Variants in AIG1 observed in about 807,000 individuals in gnomAD.
AIG1 encodes the protein androgen-induced gene 1 protein.
Under a neutral mutation model 31.4 loss-of-function variants are expected in AIG1, and 23 were observed. The ratio of observed to expected loss-of-function variants is 0.73; its 90% CI spans 0.53 to 1.04. The LOEUF is 1.04. AIG1 is among the 50% of genes least tolerant of loss of function. The pLI, the probability that AIG1 is intolerant of heterozygous loss-of-function variation, is 0.00. For synonymous variants in AIG1, 100 were observed against 110.5 expected (o/e 0.90, Z 0.60); for missense variants, 274 against 295.0 (o/e 0.93, Z 0.52).
chr6:143,282,335 G>C (rs1456243129), intron 3 of AIG1, among the ~76,000 whole-genome samples: 1 of 152,106 alleles, frequency 6.6e-6, no homozygotes, highest in Non-Finnish European at 1.5e-5. Flanking sequence ...TTTTATGTAA[G>C]ATTTGATAAG....
rs1583714624 is a variant in AIG1 at position 143,279,305 on chromosome 6, T to C, written c.400-4805T>C. On this transcript the variant is annotated intron_variant, in intron 3 of 5. Transcript: ENST00000357847. This position sits in a 1 kb window ranked among gnomAD's most constrained non-coding sequence, Gnocchi z 5.4. ...CTCATTAGCTCTTCAGGAGAAGCAC[T>C]AATTTAATCCAACTGCCTCATTTTA... is the stretch of plus-strand genomic sequence containing the variant. 6.6e-6 allele frequency among the ~76,000 whole-genome samples: 1 copy of C among 152,220 alleles called. No individual in the cohort carries two copies. The highest frequency in any genetic ancestry group is 1.5e-5 in the Non-Finnish European group (1 of 68,032).
intron 1 of AIG1, among the ~76,000 whole-genome samples, chr6:143,074,502 A>G (rs1777566876): frequency 6.6e-6 from 1 of 152,204 alleles, no homozygotes; most frequent in African/African-American, 2.4e-5. Flanking sequence ...TGAAGAGATT[A>G]TCCTTTCCCC....
At chr6:143,154,821 T>G (rs1451667014) in intron 2 of AIG1, among the ~76,000 whole-genome samples, 1 of 152,120 alleles carries the variant, frequency 6.6e-6, no homozygotes, top group Non-Finnish European at 1.5e-5. Context: ...ATTTCAAAAT[T>G]GAGGGCTTTT....
At chr6:143,064,951 G>T (rs1776563052) in intron 1 of AIG1, among the ~76,000 whole-genome samples, 1 of 152,186 alleles carries the variant, frequency 6.6e-6, no homozygotes, top group Admixed American at 6.5e-5. Flanking sequence ...TATAGAAGTT[G>T]GGTAGCTAAT....
chr6:143,105,068 G>C (rs909528981), intron 1 of AIG1, among the ~76,000 whole-genome samples: 7 of 152,152 alleles, frequency 4.6e-5, no homozygotes, highest in African/African-American at 1.7e-4. Flanking sequence ...GCTCATTGCT[G>C]CATTTCTACA....
chr6:143,315,908 TA>T (rs1380865990), intron 4 of AIG1, among the ~76,000 whole-genome samples: 11 of 151,806 alleles, frequency 7.2e-5, no homozygotes, highest in African/African-American at 2.4e-4. Context: ...TGATAACAGA[TA>T]GGGGAAAAAA....
chr6:143,099,308 A>G (rs750428814), intron 1 of AIG1, among the ~76,000 whole-genome samples: 13 of 152,334 alleles, frequency 8.5e-5, no homozygotes, highest in Middle Eastern at 3.4e-3. Context: ...CTAACTAACA[A>G]TGTAGATACT....
intron 4 of AIG1, among the ~76,000 whole-genome samples, chr6:143,295,215 A>G (rs79589325): frequency 2.6e-5 from 4 of 152,324 alleles, no homozygotes; most frequent in Non-Finnish European, 5.9e-5. Flanking sequence ...GTGTACTTGT[A>G]GAATCTTTAT....
At chr6:143,228,046 T>C (rs1793146968) in intron 3 of AIG1, among the ~76,000 whole-genome samples, 1 of 152,160 alleles carries the variant, frequency 6.6e-6, no homozygotes, top group South Asian at 2.1e-4. Flanking sequence ...ATCTTATATT[T>C]AAAGCTGATA....
At chr6:143,320,862 C>T (rs1015860363) in intron 4 of AIG1, among the ~76,000 whole-genome samples, 1 of 148,850 alleles carries the variant, frequency 6.7e-6, no homozygotes, top group African/African-American at 2.5e-5. Flanking sequence ...GCTCTTGTTG[C>T]CCAGGCTGGA....
At chr6:143,156,681 T>C (rs1402401049) in intron 2 of AIG1, among the ~76,000 whole-genome samples, 1 of 152,334 alleles carries the variant, frequency 6.6e-6, no homozygotes, top group East Asian at 1.9e-4. Context: ...GAGGTTCCCC[T>C]GTTAGGAAGT....
At chr6:143,073,455 A>G (rs1016021313) in intron 1 of AIG1, among the ~76,000 whole-genome samples, 4 of 152,044 alleles carry the variant, frequency 2.6e-5, no homozygotes, top group African/African-American at 9.7e-5. Flanking sequence ...AAACCTCCAT[A>G]CTCTTTTTCG....
At position 143,331,523 on chromosome 6, in the gene AIG1, A is replaced by G. The variant is rs1332351803; in HGVS notation, c.516-1759A>G. ...TTTCAAGGTCCATCCATGTTGTAGC[A>G]TGTATCAACATTTTACTCCTCTTTA... On this transcript the variant is annotated intron_variant, in intron 4 of 5. Transcript: ENST00000357847. This position sits in a 1 kb window ranked among gnomAD's most constrained non-coding sequence, Gnocchi z 4.1. Among the ~76,000 whole-genome samples, 1 of 152,150 alleles carries G rather than the reference A, an allele frequency of 6.6e-6. No individual in the cohort carries two copies. Among genetic ancestry groups the G allele is most frequent in the Non-Finnish European group, 1.5e-5 (1 of 68,030 alleles).
In AIG1 at chr6:143,325,797, T is replaced by G. The variant is rs9376743; in HGVS notation, c.516-7485T>G. Among the ~76,000 whole-genome samples the G allele has an allele frequency of 6.6e-6, 1 of 152,118 alleles. No individual in the cohort carries two copies. Among genetic ancestry groups the G allele is most frequent in the African/African-American group, 2.4e-5 (1 of 41,438 alleles). On this transcript the variant is annotated intron_variant, in intron 4 of 5. Transcript: ENST00000357847. This position sits in a 1 kb window ranked among gnomAD's most constrained non-coding sequence, Gnocchi z 4.3. ...CTGTAATATTTTCTCCTCTGTTCAC[T>G]TCTGTTACTGTTTTAAAATGCTAGT... is the stretch of plus-strand genomic sequence containing the variant.
chr6:143,335,013 C>T, intron 5 of AIG1: 1 of 1,201,992 alleles, frequency 8.3e-7, no homozygotes, highest in Admixed American at 3.2e-5. Flanking sequence ...TTTTAAGTAA[C>T]ATAAGATTGA....
chr6:143,070,337 A>T (rs888490288), intron 1 of AIG1, among the ~76,000 whole-genome samples: 5 of 152,120 alleles, frequency 3.3e-5, no homozygotes, highest in African/African-American at 1.2e-4. Context: ...TTAGATTTTT[A>T]AATTTCTTTC....
chr6:143,308,177 G>A (rs919712201), intron 4 of AIG1, among the ~76,000 whole-genome samples: 4 of 152,200 alleles, frequency 2.6e-5, no homozygotes, highest in Admixed American at 1.3e-4. Flanking sequence ...GCAATGCCTC[G>A]CCCTGCTTCG....
chr6:143,228,433 G>A (rs751445005), intron 3 of AIG1, among the ~76,000 whole-genome samples: 3 of 152,190 alleles, frequency 2.0e-5, no homozygotes, highest in Non-Finnish European at 4.4e-5. Flanking sequence ...TGAGAAAGAC[G>A]GTGGCCCTCT....
intron 3 of AIG1, among the ~76,000 whole-genome samples, chr6:143,237,531 G>C (rs867496466): frequency 7.8e-4 from 119 of 152,238 alleles, no homozygotes; most frequent in Admixed American, 1.8e-3. Flanking sequence ...AATCAGAAAA[G>C]CAGGATATTT....
Sources: allele counts gnomAD v4.1 joint callset (sites outside exome capture counted in the v4.1 genomes callset), GRCh38; gene constraint gnomAD v4.1.1; non-coding constraint Gnocchi (gnomAD v3.1); transcripts MANE v1.5; gene names NCBI Gene and HGNC (gene_info 2026-07-23, HGNC 2026-07-21).